MRPL44: variants seen among roughly 807,000 people sequenced by gnomAD.
MRPL44 encodes mitochondrial ribosomal protein L44.
A neutral mutation model predicts 25.9 loss-of-function variants in MRPL44; 21 were observed. The ratio of observed to expected loss-of-function variants is 0.81; its 90% CI spans 0.58 to 1.17. MRPL44 has a LOEUF of 1.17. Among genes scored for constraint, MRPL44 ranks in the 50% most tolerant of loss-of-function variants. The pLI, the probability that MRPL44 is intolerant of heterozygous loss-of-function variation, is 0.00. For missense variants in MRPL44, 410 were observed against 398.9 expected (o/e 1.03, Z -0.24); for synonymous variants, 169 against 151.0 (o/e 1.12, Z -0.87).
intron 1 of MRPL44, among the ~76,000 whole-genome samples, chr2:223,958,320 C>T (rs1299144596): frequency 6.6e-6 from 1 of 152,060 alleles, no homozygotes; most frequent in Non-Finnish European, 1.5e-5. Context: ...GCCATTAAAA[C>T]CTATGTAACA....
chr2:223,956,958 C>T (rs965552648), upstream of MRPL44, among the ~76,000 whole-genome samples: 1 of 151,976 alleles, frequency 6.6e-6, no homozygotes, highest in African/African-American at 2.4e-5. Context: ...TTGGATAAGC[C>T]AACATTTCTG....
intron 1 of MRPL44, 56 bp from the exon 2 acceptor site, chr2:223,959,478 A>G (rs1689621860): frequency 7.6e-6 from 10 of 1,319,094 alleles, no homozygotes; most frequent in East Asian, 4.6e-5. Flanking sequence ...AACAATTTTT[A>G]TATCACAGTA....
chr2:223,966,348 A>G (rs1473516883), intron 3 of MRPL44, among the ~76,000 whole-genome samples: 2 of 152,242 alleles, frequency 1.3e-5, no homozygotes, highest in African/African-American at 4.8e-5. Flanking sequence ...GACAGACTCA[A>G]AAGGCATAAT....
At chr2:223,956,630 G>A (rs977448065), upstream of MRPL44, among the ~76,000 whole-genome samples, 4 of 152,236 alleles carry the variant, frequency 2.6e-5, no homozygotes, top group African/African-American at 9.6e-5. Flanking sequence ...TTCAATCTGG[G>A]TGACTGCTGG....
At chr2:223,958,127 G>A (rs1241833096) in intron 1 of MRPL44, among the ~76,000 whole-genome samples, 1 of 152,216 alleles carries the variant, frequency 6.6e-6, no homozygotes. Flanking sequence ...AACAGGTTTG[G>A]CAGAGAGAGA....
intron 3 of MRPL44, 95 bp from the exon 4 acceptor site, chr2:223,966,768 A>G (rs1311069432): frequency 9.3e-6 from 10 of 1,072,020 alleles, no homozygotes; most frequent in African/African-American, 1.6e-5. Context: ...GTATTATTGA[A>G]ATAGATGTAG....
At position 223,959,879 on chromosome 2, in the gene MRPL44, G is replaced by T. The variant is rs1447896056; in HGVS notation, c.525G>T (p.Val175=). ...VVCHVARNLA[V]EQLTLSEEFP... ...GTCACGTGGCTAGAAACTTGGCTGT[G>T]GAGCAGTTAACACTGAGTGAAGAAT... Residue 175 remains valine (V), a synonymous_variant, in exon 2 of 4, where the codon GTG becomes GTT. Coordinates refer to ENST00000258383, the MANE Select transcript of MRPL44 (RefSeq NM_022915.5). 1 of 1,614,152 alleles carries T rather than the reference G, an allele frequency of 6.2e-7. No individual in the cohort carries two copies. Among genetic ancestry groups the T allele is most frequent in the Admixed American group, 1.7e-5 (1 of 60,018 alleles).
the MRPL44 span, among the ~76,000 whole-genome samples, chr2:223,951,892 G>A: frequency 6.6e-6 from 1 of 152,182 alleles, no homozygotes; most frequent in Non-Finnish European, 1.5e-5. Flanking sequence ...TGTACTGTAA[G>A]AATGATAATG....
chr2:223,955,283 G>C (rs1482360318), upstream of MRPL44, among the ~76,000 whole-genome samples: 1 of 152,142 alleles, frequency 6.6e-6, no homozygotes, highest in Non-Finnish European at 1.5e-5. Context: ...ATATTTATCA[G>C]TAACTCCAAT....
upstream of MRPL44, among the ~76,000 whole-genome samples, chr2:223,952,841 A>T (rs1689511230): frequency 6.6e-6 from 1 of 152,148 alleles, no homozygotes; most frequent in Admixed American, 6.5e-5. Context: ...TTATCTGACC[A>T]TGTGGCAGTC....
At chr2:223,957,357 C>T (rs1294882679), upstream of MRPL44, 8 of 1,355,832 alleles carry the variant, frequency 5.9e-6, no homozygotes, top group East Asian at 2.4e-5. Flanking sequence ...GCCCCGGGGG[C>T]TGTCTCCGCC....
At chr2:223,962,847 G>A (rs1318272094) in intron 2 of MRPL44, among the ~76,000 whole-genome samples, 1 of 151,838 alleles carries the variant, frequency 6.6e-6, no homozygotes, top group East Asian at 1.9e-4. Flanking sequence ...GTTTACAGGC[G>A]TGCAGCATCA....
chr2:223,964,437 G>A (rs1317177459), intron 3 of MRPL44, among the ~76,000 whole-genome samples: 2 of 152,186 alleles, frequency 1.3e-5, no homozygotes, highest in Non-Finnish European at 2.9e-5. Context: ...TAAGATTAAA[G>A]TGTTAAATGT....
chr2:223,953,416 A>T (rs1413761136), upstream of MRPL44, among the ~76,000 whole-genome samples: 1 of 147,776 alleles, frequency 6.8e-6, no homozygotes, highest in South Asian at 2.1e-4. Flanking sequence ...TACAGGCATG[A>T]GCCACCGTGC....
chr2:223,961,974 G>A (rs940512444), intron 2 of MRPL44, among the ~76,000 whole-genome samples: 12 of 152,032 alleles, frequency 7.9e-5, no homozygotes, highest in African/African-American at 1.4e-4. Context: ...GTGTATATAC[G>A]TATCCCATAA....
upstream of MRPL44, chr2:223,957,409 A>C (rs1270448782): frequency 6.3e-6 from 10 of 1,583,686 alleles, no homozygotes; most frequent in Non-Finnish European, 8.7e-6. Flanking sequence ...TTCCGGGGGA[A>C]GTGTGTTACG....
At position 223,959,795 on chromosome 2, in the gene MRPL44, C is replaced by A; in HGVS notation, c.441C>A (p.Asp147Glu). The change falls in exon 2 of 4, where the codon GAC becomes GAA. Residue 147 changes from aspartate to glutamate, a missense_variant. Physicochemically the swap from Asp to Glu is conservative, Grantham distance 45. Coordinates refer to ENST00000258383, the MANE Select transcript of MRPL44 (RefSeq NM_022915.5). ...AGTTTCTTGAAGACGAGTACCCAGA[C>A]ATGCCCACTGAAGGCATAAAAAATC... The part of the protein sequence containing the change: ...LTQFLEDEYP[D>E]MPTEGIKNLV... 1 of 1,614,204 alleles carries A rather than the reference C, an allele frequency of 6.2e-7. No individual in the cohort carries two copies. The highest frequency in any genetic ancestry group is 8.5e-7 in the Non-Finnish European group (1 of 1,180,038).
intron 3 of MRPL44, among the ~76,000 whole-genome samples, chr2:223,964,170 A>G (rs952914782): frequency 1.3e-5 from 2 of 152,194 alleles, no homozygotes; most frequent in Non-Finnish European, 2.9e-5. Context: ...GAGTTTTGCT[A>G]ATAGCTTTTG....
chr2:223,955,162 T>G (rs1279906847), upstream of MRPL44, among the ~76,000 whole-genome samples: 1 of 152,258 alleles, frequency 6.6e-6, no homozygotes, highest in Non-Finnish European at 1.5e-5. Flanking sequence ...TTTACTATCA[T>G]GAGTTTTCTG....
Sources: allele counts gnomAD v4.1 joint callset (sites outside exome capture counted in the v4.1 genomes callset), GRCh38; gene constraint gnomAD v4.1.1; transcripts MANE v1.5; gene names NCBI Gene and HGNC (gene_info 2026-07-23, HGNC 2026-07-21).